The following CHRM5 variants were observed in gnomAD, a reference collection of about 807,000 sequenced individuals.
The protein encoded by CHRM5 is muscarinic acetylcholine receptor M5.
In CHRM5, 18 loss-of-function variants were observed where a neutral mutation model predicts 39.0. That is an observed-to-expected ratio of 0.46 (90% CI 0.32 to 0.68). The LOEUF (loss-of-function observed/expected upper bound fraction) is 0.68. Among genes scored for constraint, CHRM5 ranks in the 30% least tolerant of loss-of-function variants. The pLI is 0.04. For missense variants in CHRM5, 515 were observed against 651.1 expected (o/e 0.79, Z 2.28); for synonymous variants, 241 against 246.3 (o/e 0.98, Z 0.20).
chr15:34,032,259 G>A (rs1436033114), intron 1 of CHRM5, among the ~76,000 whole-genome samples: 2 of 152,134 alleles, frequency 1.3e-5, no homozygotes, highest in African/African-American at 4.8e-5. Flanking sequence ...GTCATGCTAT[G>A]GTGTGGTTAG....
chr15:34,040,795 A>G lies in CHRM5; in HGVS notation c.-407-5745A>G, dbSNP rs552630149. 2.6e-5 allele frequency among the ~76,000 whole-genome samples: 4 copies of G among 152,112 alleles called. No individual in the cohort carries two copies. The South Asian group carries it at 8.3e-4, about 32-fold the overall frequency. ...TAGCTGGGCATGGTGGTATATGCCT[A>G]TAGTCCCACTACTTGGGAGGCTAAG... On this transcript the variant is annotated intron_variant, in intron 1 of 2. Transcript: ENST00000383263.
intron 2 of CHRM5, among the ~76,000 whole-genome samples, chr15:34,061,390 A>T (rs1900331587): frequency 3.3e-5 from 1 of 30,578 alleles, no homozygotes; most frequent in South Asian, 2.4e-3. Context: ...TGGTAGCTCT[A>T]GATGTACTGA....
At chr15:33,978,049 G>A (rs1448336136) in intron 1 of CHRM5, among the ~76,000 whole-genome samples, 2 of 151,588 alleles carry the variant, frequency 1.3e-5, no homozygotes, top group East Asian at 1.9e-4. Flanking sequence ...AGGAGGAAGC[G>A]AGAGAGGTAG....
At chr15:34,048,215 C>T (rs1025020638) in intron 2 of CHRM5, among the ~76,000 whole-genome samples, 1 of 152,256 alleles carries the variant, frequency 6.6e-6, no homozygotes, top group South Asian at 2.1e-4. Flanking sequence ...CATTCCTCCT[C>T]ACTGGGTGGG....
chr15:33,988,799 G>C (rs144555041), intron 1 of CHRM5, among the ~76,000 whole-genome samples: 80 of 152,348 alleles, frequency 5.3e-4, no homozygotes, highest in African/African-American at 1.9e-3. Context: ...CATGCAGCAA[G>C]AAGGACCATT....
At chr15:34,033,276 C>T (rs751878783) in intron 1 of CHRM5, among the ~76,000 whole-genome samples, 1 of 152,092 alleles carries the variant, frequency 6.6e-6, no homozygotes, top group Non-Finnish European at 1.5e-5. Flanking sequence ...GAGGCAGAAG[C>T]GGGCGGACTG....
intron 1 of CHRM5, among the ~76,000 whole-genome samples, chr15:34,016,680 C>T (rs1480207546): frequency 6.6e-6 from 1 of 152,166 alleles, no homozygotes; most frequent in Admixed American, 6.5e-5. Flanking sequence ...AGTATGTAAT[C>T]AGAAACAAAT....
chr15:34,039,722 C>A (rs1899386388), intron 1 of CHRM5, among the ~76,000 whole-genome samples: 1 of 152,134 alleles, frequency 6.6e-6, no homozygotes, highest in Admixed American at 6.6e-5. Flanking sequence ...GTAGAAATGA[C>A]TACTACAGCT....
chr15:34,029,170 A>G (rs1898641375), intron 1 of CHRM5, among the ~76,000 whole-genome samples: 1 of 152,114 alleles, frequency 6.6e-6, no homozygotes, highest in South Asian at 2.1e-4. Flanking sequence ...GCTGAGGCTC[A>G]AACCTGAACC....
rs1332777404 is a variant in CHRM5 at position 34,024,816 on chromosome 15, G to A, written c.-407-21724G>A. ...GCAGAGGTTGCAGTGAGCCGAGATC[G>A]TGCCATTGCACTCCAGCCTGGGCGA... On this transcript the variant is annotated intron_variant, in intron 1 of 2. Coordinates refer to ENST00000383263, the MANE Select transcript of CHRM5 (RefSeq NM_012125.4). Among the ~76,000 whole-genome samples, 9 of 150,750 alleles carry A rather than the reference G, an allele frequency of 6.0e-5. No individual in the cohort carries two copies. In the South Asian group the frequency reaches 1.0e-3, roughly 17 times the overall value.
Position 33,986,147 on chromosome 15 carries a change from C to T in CHRM5, c.-408+16997C>T, listed in dbSNP as rs554409433. On this transcript the variant is annotated intron_variant, in intron 1 of 2. Coordinates refer to ENST00000383263, the MANE Select transcript of CHRM5 (RefSeq NM_012125.4). The stretch of plus-strand genomic sequence containing the variant: ...TTTGAGATGGACTCTCGCTCTGTCG[C>T]CCAGGCTGGAGTGCAGTGGCGCCAT... Among the ~76,000 whole-genome samples, 325 of 151,358 alleles carry T rather than the reference C, an allele frequency of 2.1e-3. 1 individual carries two copies. The highest frequency in any genetic ancestry group is 8.3e-3 in the South Asian group (39 of 4,726).
chr15:34,053,899 G>A (rs569715364), intron 2 of CHRM5, among the ~76,000 whole-genome samples: 1 of 152,038 alleles, frequency 6.6e-6, no homozygotes, highest in Admixed American at 6.6e-5. Context: ...ACAACTTACA[G>A]AATGGGAGAA....
intron 1 of CHRM5, chr15:34,038,916 C>G: frequency 4.2e-6 from 3 of 715,098 alleles, no homozygotes; most frequent in Non-Finnish European, 5.2e-6. Flanking sequence ...TCCGTCCCCG[C>G]CGCCGCCTCC....
intron 1 of CHRM5, among the ~76,000 whole-genome samples, chr15:33,992,947 A>C (rs1415451096): frequency 6.6e-6 from 1 of 152,218 alleles, no homozygotes; most frequent in Non-Finnish European, 1.5e-5. Flanking sequence ...ATACTGACCA[A>C]ACTGCAGTCT....
intron 1 of CHRM5, among the ~76,000 whole-genome samples, chr15:34,011,148 T>C (rs1897620363): frequency 6.6e-6 from 1 of 152,022 alleles, no homozygotes; most frequent in Non-Finnish European, 1.5e-5. Flanking sequence ...GCTATGATCA[T>C]GCCACTGCAC....
intron 1 of CHRM5, among the ~76,000 whole-genome samples, chr15:33,980,878 T>C (rs139420574): frequency 6.6e-6 from 1 of 152,168 alleles, no homozygotes; most frequent in Non-Finnish European, 1.5e-5. Context: ...ATGGAAAAAA[T>C]ACAGCTAAAT....
intron 1 of CHRM5, among the ~76,000 whole-genome samples, chr15:33,970,366 C>T (rs1344024415): frequency 6.6e-6 from 1 of 151,862 alleles, no homozygotes. Flanking sequence ...CTGTCATTTT[C>T]CAGTACCAAA....
At chr15:34,003,847 G>A (rs1897230895) in intron 1 of CHRM5, among the ~76,000 whole-genome samples, 1 of 152,176 alleles carries the variant, frequency 6.6e-6, no homozygotes, top group Non-Finnish European at 1.5e-5. Flanking sequence ...AACAACTTGA[G>A]TTTGAAATAA....
chr15:33,991,994 A>C (rs2140572395), intron 1 of CHRM5: 1 of 152,484 alleles, frequency 6.6e-6, no homozygotes, highest in East Asian at 1.9e-4. Context: ...TGGACCAGCA[A>C]AAACAAAGAA....
Sources: gnomAD v4.1 joint callset for allele counts (sites outside exome capture counted in the v4.1 genomes callset) on GRCh38, gnomAD v4.1.1 for gene constraint, MANE v1.5 for transcripts, NCBI Gene and HGNC (gene_info 2026-07-23, HGNC 2026-07-21) for gene names.